HPSE2: variants seen among roughly 807,000 people sequenced by gnomAD.
HPSE2 encodes the protein inactive heparanase-2.
A neutral mutation model predicts 60.5 loss-of-function variants in HPSE2; 38 were observed. The ratio of observed to expected loss-of-function variants is 0.63; its 90% CI spans 0.48 to 0.82. The LOEUF is 0.82. Ranked by LOEUF, HPSE2 falls within the 40% of genes least tolerant of loss-of-function variation. The probability of loss-of-function intolerance (pLI) is 0.00; values close to 1 mark genes in which losing one functional copy is unlikely to be tolerated. For synonymous variants in HPSE2, 295 were observed against 293.2 expected (o/e 1.01, Z -0.06); for missense variants, 713 against 740.4 (o/e 0.96, Z 0.43).
At chr10:98,611,860 CA>C (rs1945771110) in intron 9 of HPSE2, among the ~76,000 whole-genome samples, 1 of 152,192 alleles carries the variant, frequency 6.6e-6, no homozygotes, top group South Asian at 2.1e-4. Context: ...TACAGCTGCC[CA>C]GATCATTTGA....
intron 3 of HPSE2, among the ~76,000 whole-genome samples, chr10:99,095,418 G>A (rs186685009): frequency 1.3e-5 from 2 of 152,242 alleles, no homozygotes; most frequent in East Asian, 3.9e-4. Flanking sequence ...ATGGAATTCT[G>A]CTATACTTCA....
chr10:98,971,452 AAGCC>A (rs1487693932), intron 3 of HPSE2, among the ~76,000 whole-genome samples: 1 of 152,150 alleles, frequency 6.6e-6, no homozygotes, highest in Non-Finnish European at 1.5e-5. Context: ...CCCCATTCAT[AAGCC>A]AGACAACCAC....
At chr10:98,698,587 A>G (rs1397063801) in intron 5 of HPSE2, among the ~76,000 whole-genome samples, 1 of 152,148 alleles carries the variant, frequency 6.6e-6, no homozygotes, top group African/African-American at 2.4e-5. Flanking sequence ...AGAACTAGAA[A>G]AGCAAGAGCA....
intron 3 of HPSE2, among the ~76,000 whole-genome samples, chr10:98,836,726 T>C (rs1951798393): frequency 2.0e-5 from 3 of 152,188 alleles, no homozygotes; most frequent in Admixed American, 6.5e-5. Context: ...CCTACCTAAA[T>C]TATGTAGGAT....
At chr10:99,254,710 T>C in the HPSE2 span, among the ~76,000 whole-genome samples, 1 of 152,190 alleles carries the variant, frequency 6.6e-6, no homozygotes, top group Non-Finnish European at 1.5e-5. Context: ...TATGAGATCC[T>C]TACAATGGAA....
At chr10:99,026,996 A>G (rs1056204808) in intron 3 of HPSE2, among the ~76,000 whole-genome samples, 1 of 152,124 alleles carries the variant, frequency 6.6e-6, no homozygotes, top group Non-Finnish European at 1.5e-5. Context: ...TTTTATGGCT[A>G]TAAGTGCTTA....
chr10:98,950,713 C>T (rs1955332134), intron 3 of HPSE2, among the ~76,000 whole-genome samples: 1 of 152,060 alleles, frequency 6.6e-6, no homozygotes, highest in African/African-American at 2.4e-5. Flanking sequence ...TACTTCAGTG[C>T]AATATTGACA....
rs1048567704 is a variant in HPSE2 at position 98,743,749 on chromosome 10, C to T, written c.784+134G>A. The T allele has an allele frequency of 2.5e-5, 20 of 787,984 alleles. No homozygotes were observed. The African/African-American group carries it at 3.1e-4, about 12-fold the overall frequency. The allele number at this position is 787,984 out of a possible 1,614,324, so 48.8% of individuals were successfully genotyped here. A position where few individuals can be genotyped will look rare whatever the true frequency, so the allele number is the denominator to read the frequency against. On this transcript the variant is annotated intron_variant, in intron 4 of 11. Coordinates refer to ENST00000370552, the MANE Select transcript of HPSE2 (RefSeq NM_021828.5). ...TTTGGTCTTCTACCATTTGGATAGTCAACTCAGTGGCCAAACATCACAAAC... is the reference window on the plus strand; with the variant it reads ...TTTGGTCTTCTACCATTTGGATAGTTAACTCAGTGGCCAAACATCACAAAC...
At chr10:98,854,733 TAAGA>T (rs141683824) in intron 3 of HPSE2, among the ~76,000 whole-genome samples, 21,621 of 152,118 alleles carry the variant, frequency 0.14, 2,114 homozygotes, top group African/African-American at 0.27. Flanking sequence ...CCATGGGCAC[TAAGA>T]GAGAGGGCAC....
At chr10:99,181,397 C>CAAAAAA (rs58049545) in intron 2 of HPSE2, among the ~76,000 whole-genome samples, 9 of 104,766 alleles carry the variant, frequency 8.6e-5, no homozygotes, top group South Asian at 2.8e-4. Flanking sequence ...GACTCCGTCT[C>CAAAAAA]AAAAAAAAAA....
At chr10:98,890,908 T>G (rs1213812855) in intron 3 of HPSE2, among the ~76,000 whole-genome samples, 1 of 152,236 alleles carries the variant, frequency 6.6e-6, no homozygotes, top group Non-Finnish European at 1.5e-5. Context: ...TCAATTGAAC[T>G]CTTAACTAAT....
intron 1 of HPSE2, among the ~76,000 whole-genome samples, chr10:99,233,991 T>TA (rs35749402): frequency 1.8e-3 from 272 of 152,198 alleles, no homozygotes; most frequent in African/African-American, 5.9e-3. Flanking sequence ...GCAGATTTTT[T>TA]AAAAAAAGAA....
intron 9 of HPSE2, among the ~76,000 whole-genome samples, chr10:98,511,236 T>C (rs1165482708): frequency 6.6e-6 from 1 of 151,566 alleles, no homozygotes; most frequent in Non-Finnish European, 1.5e-5. Context: ...CTGCAACCTC[T>C]GCCTCCCAGA....
chr10:98,517,707 G>A (rs1480973753), intron 9 of HPSE2, among the ~76,000 whole-genome samples: 1 of 152,192 alleles, frequency 6.6e-6, no homozygotes, highest in Non-Finnish European at 1.5e-5. Context: ...GGATGTTTGT[G>A]TACATCCCTA....
chr10:98,847,557 T>A (rs1952063642), intron 3 of HPSE2, among the ~76,000 whole-genome samples: 1 of 152,214 alleles, frequency 6.6e-6, no homozygotes, highest in African/African-American at 2.4e-5. Context: ...TAGAAATACA[T>A]TTCTCTATTC....
intron 6 of HPSE2, among the ~76,000 whole-genome samples, chr10:98,651,175 T>G (rs1225016108): frequency 6.6e-6 from 1 of 152,222 alleles, no homozygotes; most frequent in Non-Finnish European, 1.5e-5. Context: ...ATGACAATTG[T>G]CACTTCTCTG....
intron 3 of HPSE2, among the ~76,000 whole-genome samples, chr10:99,066,321 T>C (rs1421649510): frequency 2.0e-5 from 3 of 152,054 alleles, no homozygotes; most frequent in African/African-American, 7.2e-5. Context: ...AGGAAAAAGA[T>C]CTCTCAAATA....
intron 9 of HPSE2, among the ~76,000 whole-genome samples, chr10:98,573,786 C>G (rs905030712): frequency 1.3e-5 from 2 of 152,168 alleles, no homozygotes; most frequent in African/African-American, 4.8e-5. Flanking sequence ...AAACCACGAG[C>G]ACTATCAGGC....
intron 3 of HPSE2, chr10:99,047,799 C>G (rs2135490692): frequency 1.2e-6 from 1 of 825,126 alleles, no homozygotes; most frequent in Non-Finnish European, 2.1e-6. Context: ...TACAAAAAAG[C>G]AAAGCACTAT....
Sources: gnomAD v4.1 joint callset for allele counts (sites outside exome capture counted in the v4.1 genomes callset) on GRCh38, gnomAD v4.1.1 for gene constraint, MANE v1.5 for transcripts, NCBI Gene and HGNC (gene_info 2026-07-23, HGNC 2026-07-21) for gene names.